The following PLSCR2 variants were observed in gnomAD, a reference collection of about 807,000 sequenced individuals.
The protein encoded by PLSCR2 is PL scramblase 2.
A neutral mutation model predicts 25.3 loss-of-function variants in PLSCR2; 18 were observed. The observed-to-expected ratio is 0.71, with a 90% CI of 0.49 to 1.06. The LOEUF (loss-of-function observed/expected upper bound fraction) is 1.06. Among genes scored for constraint, PLSCR2 ranks in the 50% least tolerant of loss-of-function variants. PLSCR2 has a pLI of 0.00. For missense variants in PLSCR2, 243 were observed against 269.5 expected (o/e 0.90, Z 0.69); for synonymous variants, 88 against 87.3 (o/e 1.01, Z -0.04).
chr3:146,452,959 A>G (rs1236790290), intron 5 of PLSCR2, among the ~76,000 whole-genome samples: 1 of 151,914 alleles, frequency 6.6e-6, no homozygotes, highest in Non-Finnish European at 1.5e-5. Flanking sequence ...ATATACACAT[A>G]TATAATCATA....
chr3:146,404,868 T>C (rs898729961), intron 2 of PLSCR2, among the ~76,000 whole-genome samples: 11 of 140,612 alleles, frequency 7.8e-5, no homozygotes, highest in Admixed American at 5.0e-4. Context: ...CAAAGTCCAA[T>C]AGGAAAAATA....
At chr3:146,391,995 G>T (rs540469224) in intron 3 of PLSCR2, among the ~76,000 whole-genome samples, 18 of 151,926 alleles carry the variant, frequency 1.2e-4, no homozygotes, top group South Asian at 6.2e-4. Context: ...TTATACCCTG[G>T]TTTTTTTCAC....
intron 2 of PLSCR2, among the ~76,000 whole-genome samples, chr3:146,396,239 G>T (rs2038267995): frequency 6.6e-6 from 1 of 152,028 alleles, no homozygotes; most frequent in Admixed American, 6.6e-5. Context: ...AAAACCACTA[G>T]CTTCTCAGCT....
chr3:146,441,622 A>G, downstream of PLSCR2: 1 of 467,756 alleles, frequency 2.1e-6, no homozygotes, highest in Non-Finnish European at 3.8e-6. Context: ...GTGAAATTAT[A>G]TACTCAGAGC....
At chr3:146,483,154 A>T (rs2043189412) in intron 1 of PLSCR2, among the ~76,000 whole-genome samples, 1 of 151,794 alleles carries the variant, frequency 6.6e-6, no homozygotes, top group Admixed American at 6.6e-5. Context: ...CAAAGGGCTA[A>T]TATCCAGAAT....
At chr3:146,470,613 C>G (rs1419456810) in intron 1 of PLSCR2, among the ~76,000 whole-genome samples, 1 of 152,142 alleles carries the variant, frequency 6.6e-6, no homozygotes, top group Non-Finnish European at 1.5e-5. Flanking sequence ...AATGAAACCT[C>G]ACCCTCTCCA....
intron 6 of PLSCR2, among the ~76,000 whole-genome samples, chr3:146,446,828 T>C (rs1450013259): frequency 3.3e-5 from 5 of 152,052 alleles, no homozygotes; most frequent in African/African-American, 1.2e-4. Flanking sequence ...GGAATCTACT[T>C]GCTGCTCTAT....
At chr3:146,483,015 G>A (rs1445698151) in intron 1 of PLSCR2, among the ~76,000 whole-genome samples, 2 of 151,688 alleles carry the variant, frequency 1.3e-5, no homozygotes, top group East Asian at 3.9e-4. Context: ...TTCTGGCCAG[G>A]GCAATCAGGC....
chr3:146,393,059 C>T (rs1346726477), intron 3 of PLSCR2, among the ~76,000 whole-genome samples: 10 of 121,174 alleles, frequency 8.3e-5, no homozygotes, highest in African/African-American at 1.9e-4. Context: ...GACAGAGTCT[C>T]GCTCTGTTGT....
intron 5 of PLSCR2, among the ~76,000 whole-genome samples, chr3:146,451,095 A>C (rs2040863326): frequency 6.7e-6 from 1 of 149,858 alleles, no homozygotes; most frequent in South Asian, 2.1e-4. Context: ...TAAGAAGTAT[A>C]CATTAAGTTT....
intron 1 of PLSCR2, among the ~76,000 whole-genome samples, chr3:146,477,870 G>A (rs553192869): frequency 6.6e-6 from 1 of 152,280 alleles, no homozygotes; most frequent in Non-Finnish European, 1.5e-5. Context: ...GTGCCCCTCT[G>A]GGATGAAGCT....
At chr3:146,409,819 T>C (rs112387348) in intron 2 of PLSCR2, among the ~76,000 whole-genome samples, 1,768 of 152,248 alleles carry the variant, frequency 0.012, 38 homozygotes, top group African/African-American at 0.039. Flanking sequence ...GCAGAGATAT[T>C]AGATCCAACA....
At chr3:146,415,837 A>G (rs1413911486) in intron 2 of PLSCR2, among the ~76,000 whole-genome samples, 1 of 152,210 alleles carries the variant, frequency 6.6e-6, no homozygotes, top group Non-Finnish European at 1.5e-5. Context: ...ACATTTTCAT[A>G]CCAGGTTTCT....
At chr3:146,472,310 GT>G in intron 1 of PLSCR2, among the ~76,000 whole-genome samples, 1 of 152,146 alleles carries the variant, frequency 6.6e-6, no homozygotes, top group East Asian at 1.9e-4. Context: ...CTAATATTTG[GT>G]TTGATTAATC....
chr3:146,422,664 C>A (rs2039190832), intron 2 of PLSCR2, among the ~76,000 whole-genome samples: 1 of 152,070 alleles, frequency 6.6e-6, no homozygotes, highest in South Asian at 2.1e-4. Context: ...ACAAGGGAAA[C>A]AAGAAGACAG....
At chr3:146,430,829 T>A (rs1380495490), downstream of PLSCR2, among the ~76,000 whole-genome samples, 1 of 151,100 alleles carries the variant, frequency 6.6e-6, no homozygotes, top group African/African-American at 2.4e-5. Flanking sequence ...CCCTCCCTCT[T>A]TATTCTCCCC....
chr3:146,400,791 T>C (rs1230976303), intron 2 of PLSCR2, among the ~76,000 whole-genome samples: 1 of 151,876 alleles, frequency 6.6e-6, no homozygotes, highest in African/African-American at 2.4e-5. Flanking sequence ...CGTGTGTGTA[T>C]ATATATTTGT....
At chr3:146,462,701 G>C (rs964174562), upstream of PLSCR2, among the ~76,000 whole-genome samples, 1 of 152,008 alleles carries the variant, frequency 6.6e-6, no homozygotes, top group African/African-American at 2.4e-5. Flanking sequence ...TCCTGACCTC[G>C]TGATCTGCCC....
At chr3:146,447,663 G>A (rs887219606) in intron 6 of PLSCR2, among the ~76,000 whole-genome samples, 3 of 152,156 alleles carry the variant, frequency 2.0e-5, no homozygotes, top group African/African-American at 4.8e-5. Flanking sequence ...TGGGGAAGGG[G>A]TGATGCAAGC....
Sources: allele counts gnomAD v4.1 joint callset (sites outside exome capture counted in the v4.1 genomes callset), GRCh38; gene constraint gnomAD v4.1.1; transcripts MANE v1.5; gene names NCBI Gene and HGNC (gene_info 2026-07-23, HGNC 2026-07-21).